Variants in ATP8B4 observed in about 807,000 individuals in gnomAD.
ATP8B4 encodes the protein probable phospholipid-transporting ATPase IM.
Under a neutral mutation model 145.6 loss-of-function variants are expected in ATP8B4, and 133 were observed. The observed-to-expected ratio is 0.91, with a 90% CI of 0.79 to 1.05. ATP8B4 has a LOEUF of 1.05. ATP8B4 is among the 50% of genes least tolerant of loss of function. The probability of loss-of-function intolerance (pLI) is 0.00; values close to 1 mark genes in which losing one functional copy is unlikely to be tolerated. For synonymous variants in ATP8B4, 507 were observed against 492.9 expected, an observed-to-expected ratio of 1.03 and a Z score of -0.38; for missense variants, 1,458 against 1,425.2, an observed-to-expected ratio of 1.02 and a Z score of -0.37.
chr15:50,025,077 G>C (rs1406347149), intron 6 of ATP8B4, among the ~76,000 whole-genome samples: 1 of 152,210 alleles, frequency 6.6e-6, no homozygotes, highest in African/African-American at 2.4e-5. Context: ...TCACTTTAGT[G>C]CATTTTGCCC....
intron 1 of ATP8B4, among the ~76,000 whole-genome samples, chr15:50,108,361 T>C (rs924955790): frequency 6.6e-6 from 1 of 152,110 alleles, no homozygotes; most frequent in Non-Finnish European, 1.5e-5. Context: ...TAAAGGGGAA[T>C]GGCATCATGT....
chr15:49,972,702 G>C lies in ATP8B4; in HGVS notation c.1123C>G (p.Arg375Gly). The C allele has an allele frequency of 1.2e-6, 2 of 1,613,950 alleles. No homozygotes were observed. The highest frequency in any genetic ancestry group is 1.7e-6 in the Non-Finnish European group (2 of 1,179,974). The stretch of plus-strand genomic sequence containing the variant: ...AGTTCCTCATTGAGCGTGGTCGTTC[G>C]AGCCACTGCAGGTATTGCTTTTCGA... ...YSRKAIPAVA[R>G]TTTLNEELGQ... The change falls in exon 13 of 28, where the codon CGA (arginine) becomes GGA (glycine). Residue 375 changes from arginine to glycine, a missense_variant. Arg to Gly is a moderately radical substitution (Grantham distance 125). Transcript: ENST00000284509.
chr15:50,032,191 C>A (rs1312358872), intron 6 of ATP8B4, among the ~76,000 whole-genome samples: 6 of 152,050 alleles, frequency 3.9e-5, no homozygotes, highest in Admixed American at 1.3e-4. Context: ...CCTTGCCCCC[C>A]ACCCCCTGAC....
At chr15:50,126,239 CCA>C (rs2057306505) in intron 1 of ATP8B4, among the ~76,000 whole-genome samples, 1 of 85,212 alleles carries the variant, frequency 1.2e-5, no homozygotes. Context: ...AGCTAACAGT[CCA>C]AAAAAAAAAA....
At chr15:49,992,598 C>T (rs999437207) in intron 9 of ATP8B4, among the ~76,000 whole-genome samples, 1 of 152,052 alleles carries the variant, frequency 6.6e-6, no homozygotes, top group Non-Finnish European at 1.5e-5. Flanking sequence ...ACCTGGAGTC[C>T]CCAGTGGGAA....
upstream of ATP8B4, among the ~76,000 whole-genome samples, chr15:50,119,752 CTTTTTTTTTT>C (rs572570694): frequency 3.1e-4 from 28 of 91,604 alleles, no homozygotes; most frequent in African/African-American, 6.4e-4. Context: ...GTTTTTGTCA[CTTTTTTTTTT>C]TTTTTTTTTT....
chr15:50,008,879 A>G (rs1223391927), intron 7 of ATP8B4, among the ~76,000 whole-genome samples: 2 of 152,204 alleles, frequency 1.3e-5, no homozygotes, highest in African/African-American at 4.8e-5. Flanking sequence ...TTTTTACTGA[A>G]TACCTGAAGT....
At chr15:50,151,673 C>A (rs2044348895) in intron 1 of ATP8B4, among the ~76,000 whole-genome samples, 1 of 149,146 alleles carries the variant, frequency 6.7e-6, no homozygotes, top group African/African-American at 2.5e-5. Context: ...TCACTTAAGC[C>A]CAGGATGTGG....
intron 24 of ATP8B4, chr15:49,876,836 C>T (rs565649064): frequency 8.7e-6 from 4 of 457,268 alleles, no homozygotes; most frequent in South Asian, 5.5e-5. Context: ...TTCTTTCCTA[C>T]ACTCTCCTGC....
At chr15:49,918,611 C>T (rs985419670) in intron 19 of ATP8B4, among the ~76,000 whole-genome samples, 1 of 152,114 alleles carries the variant, frequency 6.6e-6, no homozygotes, top group Admixed American at 6.5e-5. Context: ...GCAATTGGAC[C>T]GAAACTTAAC....
chr15:50,012,101 C>A (rs903757012), intron 6 of ATP8B4, among the ~76,000 whole-genome samples: 3 of 152,116 alleles, frequency 2.0e-5, no homozygotes, highest in Non-Finnish European at 4.4e-5. Context: ...AGAATTCAAT[C>A]ATTTTTCCAG....
At chr15:49,901,637 G>A (rs1242754905) in intron 20 of ATP8B4, 1 of 284,262 alleles carries the variant, frequency 3.5e-6, no homozygotes, top group African/African-American at 2.3e-5. Flanking sequence ...AAAGACAATT[G>A]ATGAAATCTT....
At chr15:49,877,270 C>T (rs993244451) in intron 24 of ATP8B4, among the ~76,000 whole-genome samples, 6 of 152,138 alleles carry the variant, frequency 3.9e-5, no homozygotes, top group African/African-American at 9.7e-5. Context: ...GGGCTGAGGG[C>T]CCAAGACTGC....
chr15:49,863,435 G>T (rs547653013), intron 26 of ATP8B4, among the ~76,000 whole-genome samples: 1 of 152,276 alleles, frequency 6.6e-6, no homozygotes, highest in East Asian at 1.9e-4. Context: ...AGGCAGACAA[G>T]CTCCATGGGA....
intron 3 of ATP8B4, among the ~76,000 whole-genome samples, chr15:50,055,410 A>G (rs900544914): frequency 4.6e-5 from 7 of 152,282 alleles, no homozygotes; most frequent in African/African-American, 1.7e-4. Context: ...TTGTATCTCT[A>G]TGTTTGTCTT....
rs1277667638 is a variant in ATP8B4 at position 49,966,367 on chromosome 15, C to G, written c.1244-4347G>C. ...ATGGAGCCCAGCAAGCTAAGATCCA[C>G]TGGCTTGAAATTCTCACTGCCAGCA... On this transcript the variant is annotated intron_variant, in intron 13 of 27. Coordinates refer to ENST00000284509, the MANE Select transcript of ATP8B4 (RefSeq NM_024837.4). Among the ~76,000 whole-genome samples, 3 of 152,230 alleles carry G rather than the reference C, an allele frequency of 2.0e-5. No homozygotes were observed. The East Asian group carries it at 5.8e-4, about 29-fold the overall frequency.
intron 14 of ATP8B4, among the ~76,000 whole-genome samples, chr15:49,936,951 T>C (rs2041790760): frequency 6.6e-6 from 1 of 152,036 alleles, no homozygotes; most frequent in Non-Finnish European, 1.5e-5. Flanking sequence ...GGAACTCTTT[T>C]CTTTTTTTCC....
At chr15:49,926,997 G>A (rs145077119) in intron 16 of ATP8B4, among the ~76,000 whole-genome samples, 68 of 152,228 alleles carry the variant, frequency 4.5e-4, no homozygotes, top group African/African-American at 1.6e-3. Flanking sequence ...CTTCCAAGAA[G>A]CTTCTTGTAA....
chr15:50,041,600 C>T (rs2051288669), intron 5 of ATP8B4, among the ~76,000 whole-genome samples: 1 of 152,166 alleles, frequency 6.6e-6, no homozygotes, highest in African/African-American at 2.4e-5. Flanking sequence ...CCCAAGTTAG[C>T]CACTTTAATG....
Sources: gnomAD v4.1 joint callset for allele counts (sites outside exome capture counted in the v4.1 genomes callset) on GRCh38, gnomAD v4.1.1 for gene constraint, MANE v1.5 for transcripts, NCBI Gene and HGNC (gene_info 2026-07-23, HGNC 2026-07-21) for gene names.